Variants in KIAA1958 observed in about 807,000 individuals in gnomAD.
KIAA1958 encodes the protein KIAA1958.
In KIAA1958, 14 loss-of-function variants were observed where a neutral mutation model predicts 47.2. That is an observed-to-expected ratio of 0.30 (90% CI 0.20 to 0.46). The LOEUF (loss-of-function observed/expected upper bound fraction) is 0.46, where lower values mean the gene tolerates loss of function less well. Among genes scored for constraint, KIAA1958 ranks in the 20% least tolerant of loss-of-function variants. The probability of loss-of-function intolerance (pLI) is 1.00; values close to 1 mark genes in which losing one functional copy is unlikely to be tolerated. For missense variants in KIAA1958, 803 were observed against 909.2 expected (o/e 0.88, Z 1.50); for synonymous variants, 354 against 353.3 (o/e 1.00, Z -0.02).
intron 3 of KIAA1958, among the ~76,000 whole-genome samples, chr9:112,658,301 T>C (rs1484119702): frequency 6.6e-6 from 1 of 152,246 alleles, no homozygotes; most frequent in Non-Finnish European, 1.5e-5. Flanking sequence ...CAGATGTCTT[T>C]CCCTACAGCA....
rs1179758210 is a variant in KIAA1958 at position 112,669,368 on chromosome 9, T to C, written c.*9299T>C. 1 of 152,246 alleles carries C rather than the reference T, an allele frequency of 6.6e-6. No individual in the cohort carries two copies. Among genetic ancestry groups the C allele is most frequent in the Non-Finnish European group, 1.5e-5 (1 of 68,042 alleles). The allele number at this position is 152,246 out of a possible 1,614,324, so 9.4% of individuals were successfully genotyped here. On this transcript the variant is annotated 3_prime_UTR_variant, in exon 4 of 4. Coordinates refer to ENST00000337530, the MANE Select transcript of KIAA1958 (RefSeq NM_133465.4). ...ATGCAGCTTGACTGTTCAACCCAGA[T>C]TTTTAAACAATAAAAAGATTTAATG...
intron 1 of KIAA1958, among the ~76,000 whole-genome samples, chr9:112,563,536 T>A (rs1445344599): frequency 2.0e-5 from 3 of 152,188 alleles, no homozygotes; most frequent in African/African-American, 7.2e-5. Flanking sequence ...ACTGCTAGTA[T>A]GTAGAAAATA....
chr9:112,592,311 G>A (rs1048850624), intron 2 of KIAA1958, among the ~76,000 whole-genome samples: 2 of 152,212 alleles, frequency 1.3e-5, no homozygotes, highest in African/African-American at 4.8e-5. Flanking sequence ...TGAAACTGCA[G>A]TGAGCCCAGA....
chr9:112,645,574 T>G, intron 2 of KIAA1958, 76 bp from the exon 3 acceptor site: 3 of 986,652 alleles, frequency 3.0e-6, no homozygotes, highest in Non-Finnish European at 4.5e-6. Flanking sequence ...TTTCTGTTAT[T>G]TATCATCCCA....
At position 112,574,651 on chromosome 9, in the gene KIAA1958, G is replaced by C; in HGVS notation, c.571G>C (p.Val191Leu). The change falls in exon 2 of 4, where the codon GTT (valine) becomes CTT (leucine). Residue 191 changes from valine (V) to leucine (L), a missense_variant. Physicochemically the swap from Val to Leu is conservative, Grantham distance 32. Transcript: ENST00000337530. The part of the protein sequence containing the change: ...SLHSSSQTQM[V>L]DECSNDVIIK... ...CCATTCAAGCTCCCAGACGCAGATG[G>C]TTGACGAATGCAGCAATGATGTCAT... is the stretch of plus-strand genomic sequence containing the variant. 1 of 1,614,162 alleles carries C rather than the reference G, an allele frequency of 6.2e-7. No individual in the cohort carries two copies. Among genetic ancestry groups the C allele is most frequent in the Non-Finnish European group, 8.5e-7 (1 of 1,180,040 alleles).
chr9:112,518,634 GT>G (rs1194439930), intron 1 of KIAA1958, among the ~76,000 whole-genome samples: 1 of 152,050 alleles, frequency 6.6e-6, no homozygotes, highest in African/African-American at 2.4e-5. Context: ...GTGTATGTTC[GT>G]TTTTTCTAAT....
intron 1 of KIAA1958, among the ~76,000 whole-genome samples, chr9:112,563,616 T>C (rs1004325321): frequency 1.3e-4 from 20 of 152,168 alleles, no homozygotes; most frequent in African/African-American, 4.8e-4. Context: ...GGCAGTGCTT[T>C]GTGAATTCTC....
intron 2 of KIAA1958, among the ~76,000 whole-genome samples, chr9:112,592,627 A>T (rs1407412426): frequency 1.3e-5 from 2 of 152,244 alleles, no homozygotes; most frequent in East Asian, 3.8e-4. Context: ...CATAAGTTGG[A>T]AGTACTTTAG....
At chr9:112,535,063 C>G (rs1458093170) in intron 1 of KIAA1958, among the ~76,000 whole-genome samples, 2 of 152,132 alleles carry the variant, frequency 1.3e-5, no homozygotes, top group Non-Finnish European at 2.9e-5. Flanking sequence ...ATAAATTAAA[C>G]TAAGTAACAT....
intron 1 of KIAA1958, among the ~76,000 whole-genome samples, chr9:112,510,347 A>G (rs967348529): frequency 6.6e-6 from 1 of 152,200 alleles, no homozygotes; most frequent in African/African-American, 2.4e-5. Flanking sequence ...CTCAGTAGAT[A>G]CCTGCTTGAA....
chr9:112,574,571 C>T lies in KIAA1958; in HGVS notation c.491C>T (p.Thr164Ile), dbSNP rs142982250. The T allele has an allele frequency of 6.6e-5, 107 of 1,614,164 alleles. No individual in the cohort carries two copies. The African/African-American group carries it at 1.4e-3, about 21-fold the overall frequency. Residue 164 changes from threonine (T) to isoleucine (I), a missense_variant, in exon 2 of 4, where the codon ACC (threonine) becomes ATC (isoleucine). Physicochemically the swap from Thr to Ile is moderately conservative, Grantham distance 89. Around this residue, in one of 2 missense-constraint regions of KIAA1958, gnomAD observed 761 missense variants for 829.3 expected, o/e 0.92. Coordinates refer to ENST00000337530, the MANE Select transcript of KIAA1958 (RefSeq NM_133465.4). ...GAGGATAGTGACTTTGAACCCCAAA[C>T]CCAAAGGCCTCAAAGCATTGCTCGC... ...TDEDSDFEPQ[T>I]QRPQSIARKR... is the part of the protein sequence containing the mutation.
At chr9:112,627,270 C>G (rs1836633473) in intron 2 of KIAA1958, among the ~76,000 whole-genome samples, 1 of 152,178 alleles carries the variant, frequency 6.6e-6, no homozygotes, top group Admixed American at 6.5e-5. Context: ...AATACTCTCT[C>G]CTCTAGAATT....
At chr9:112,535,848 T>G (rs1035558761) in intron 1 of KIAA1958, among the ~76,000 whole-genome samples, 5 of 152,188 alleles carry the variant, frequency 3.3e-5, no homozygotes, top group African/African-American at 1.2e-4. Flanking sequence ...GTTGAACACT[T>G]TTTTTCATCT....
At chr9:112,544,565 A>T (rs545319767) in intron 1 of KIAA1958, among the ~76,000 whole-genome samples, 27 of 149,984 alleles carry the variant, frequency 1.8e-4, no homozygotes, top group African/African-American at 6.6e-4. Context: ...AAGTCATGTG[A>T]CTATTTAGGG....
At chr9:112,635,217 TG>T (rs1836783887) in intron 2 of KIAA1958, among the ~76,000 whole-genome samples, 8 of 9,854 alleles carry the variant, frequency 8.1e-4, no homozygotes, top group Non-Finnish European at 7.3e-3. Context: ...CTTTATTTTG[TG>T]TGTGTGTGTG....
chr9:112,547,751 C>G (rs1056123175), intron 1 of KIAA1958, among the ~76,000 whole-genome samples: 1 of 152,168 alleles, frequency 6.6e-6, no homozygotes, highest in African/African-American at 2.4e-5. Context: ...AAAATTCCTT[C>G]CCTTTCCAGA....
chr9:112,585,585 T>G (rs1835810699), intron 2 of KIAA1958, among the ~76,000 whole-genome samples: 1 of 151,996 alleles, frequency 6.6e-6, no homozygotes, highest in East Asian at 1.9e-4. Flanking sequence ...ATTGGGGAAG[T>G]AGAGGCTGGG....
chr9:112,596,155 G>A (rs527568667), intron 2 of KIAA1958, among the ~76,000 whole-genome samples: 145 of 152,204 alleles, frequency 9.5e-4, no homozygotes, highest in Middle Eastern at 6.8e-3. Flanking sequence ...TGAAATGACC[G>A]ATTATAGTTG....
chr9:112,486,948 G>A lies in KIAA1958; in HGVS notation c.-195G>A, dbSNP rs1833860710. 1.2e-5 allele frequency: 2 copies of A among 160,716 alleles called. No individual in the cohort carries two copies. The highest frequency in any genetic ancestry group is 2.6e-5 in the Non-Finnish European group (2 of 75,674). 10.0% of individuals were successfully genotyped at this position (160,716 alleles called of 1,614,324 possible). ...CCCCCGCCCCGCTCCTCGGTCCGCCGCCCGCCGGGCGCCTTCCCCGCTCCA... is the reference window on the plus strand; with the variant it reads ...CCCCCGCCCCGCTCCTCGGTCCGCCACCCGCCGGGCGCCTTCCCCGCTCCA... On this transcript the variant is annotated 5_prime_UTR_variant, in exon 1 of 4. Transcript: ENST00000337530.
Sources: gnomAD v4.1 joint callset for allele counts (sites outside exome capture counted in the v4.1 genomes callset) on GRCh38, gnomAD v4.1.1 for gene constraint, gnomAD v4.1.1 regional missense constraint, MANE v1.5 for transcripts, NCBI Gene and HGNC (gene_info 2026-07-23, HGNC 2026-07-21) for gene names.